The following LONP2 variants were observed in gnomAD, a reference collection of about 807,000 sequenced individuals.
LONP2 encodes the protein lon peptidase 2, peroxisomal.
In LONP2, 60 loss-of-function variants were observed where a neutral mutation model predicts 85.6. That is an observed-to-expected ratio of 0.70 (90% CI 0.57 to 0.87). The LOEUF is 0.87. LONP2 is among the 40% of genes least tolerant of loss of function. The pLI, the probability that LONP2 is intolerant of heterozygous loss-of-function variation, is 0.00. For synonymous variants in LONP2, 395 were observed against 389.7 expected, an observed-to-expected ratio of 1.01 and a Z score of -0.16; for missense variants, 860 against 1,063.5, an observed-to-expected ratio of 0.81 and a Z score of 2.66.
chr16:48,267,229 C>T (rs1013099850), intron 6 of LONP2, among the ~76,000 whole-genome samples: 1 of 152,126 alleles, frequency 6.6e-6, no homozygotes, highest in African/African-American at 2.4e-5. Context: ...TCATGTTAAG[C>T]TCCTAAACCA....
At chr16:48,325,651 C>T (rs1973353901) in intron 11 of LONP2, among the ~76,000 whole-genome samples, 1 of 152,100 alleles carries the variant, frequency 6.6e-6, no homozygotes, top group Non-Finnish European at 1.5e-5. Flanking sequence ...TTTCTTTATC[C>T]ATTCATCCGT....
downstream of LONP2, among the ~76,000 whole-genome samples, chr16:48,360,328 T>A (rs886783051): frequency 2.0e-5 from 3 of 152,168 alleles, no homozygotes; most frequent in Non-Finnish European, 4.4e-5. Flanking sequence ...GTTGTAAGAA[T>A]CAAAATGTGG....
chr16:48,256,712 A>T lies in LONP2; in HGVS notation c.571A>T (p.Ile191Phe). Residue 191 changes from isoleucine (I) to phenylalanine (F), a missense_variant, in exon 3 of 15, where the codon ATC (isoleucine) becomes TTC (phenylalanine). Ile to Phe is a conservative substitution (Grantham distance 21). This residue lies in a region of LONP2 where 743 missense variants were observed against 917.3 expected (regional missense o/e 0.81). Transcript: ENST00000285737. ...TTTACCAGACATCTTGACATCAATT[A>T]TCCGAACAAGCAACAAAGAGAAACT... ...EALPDILTSIIRTSNKEKLQI... is the reference protein window; with the variant it reads ...EALPDILTSIFRTSNKEKLQI... 1 of 1,614,042 alleles carries T rather than the reference A, an allele frequency of 6.2e-7. No homozygotes were observed. The highest frequency in any genetic ancestry group is 8.5e-7 in the Non-Finnish European group (1 of 1,179,950).
chr16:48,282,410 CAAAAAAAAAAA>C (rs773913986), intron 8 of LONP2, among the ~76,000 whole-genome samples: 1 of 83,832 alleles, frequency 1.2e-5, no homozygotes, highest in Non-Finnish European at 2.6e-5. Flanking sequence ...GACTCTGTCT[CAAAAAAAAAAA>C]AAAAAAAAGA....
chr16:48,253,070 A>G (rs1349294982), intron 2 of LONP2, among the ~76,000 whole-genome samples: 1 of 152,204 alleles, frequency 6.6e-6, no homozygotes, highest in Non-Finnish European at 1.5e-5. Context: ...AATACTACTG[A>G]TCATTGAAAT....
intron 3 of LONP2, among the ~76,000 whole-genome samples, chr16:48,257,527 G>A (rs933912214): frequency 1.3e-5 from 2 of 152,042 alleles, no homozygotes; most frequent in African/African-American, 4.8e-5. Flanking sequence ...CACTTGAAAA[G>A]TAATCCAAGT....
At chr16:48,293,425 CA>C (rs113336786) in intron 8 of LONP2, among the ~76,000 whole-genome samples, 2,222 of 133,264 alleles carry the variant, frequency 0.017, 48 homozygotes, top group African/African-American at 0.054. Context: ...GAGACTGTCT[CA>C]AAAAAAAAAA....
chr16:48,349,952 A>C (rs970539161), intron 14 of LONP2, among the ~76,000 whole-genome samples: 10 of 152,110 alleles, frequency 6.6e-5, no homozygotes, highest in African/African-American at 2.2e-4. Flanking sequence ...CAGTACCTTC[A>C]AAACTATGAG....
chr16:48,332,678 G>A (rs867878752), intron 11 of LONP2, among the ~76,000 whole-genome samples: 3 of 150,034 alleles, frequency 2.0e-5, no homozygotes, highest in African/African-American at 7.4e-5. Context: ...GGCACTACAC[G>A]CCCGCCTGGG....
At chr16:48,272,804 G>A (rs147332520) in intron 7 of LONP2, among the ~76,000 whole-genome samples, 119 of 152,246 alleles carry the variant, frequency 7.8e-4, no homozygotes, top group Non-Finnish European at 1.4e-3. Flanking sequence ...CATCTACCCC[G>A]TGAATTATTA....
At chr16:48,273,340 T>A (rs761354500) in intron 7 of LONP2, among the ~76,000 whole-genome samples, 1 of 152,180 alleles carries the variant, frequency 6.6e-6, no homozygotes, top group Non-Finnish European at 1.5e-5. Context: ...AGCAAAGATA[T>A]GTTTTTTATG....
At chr16:48,248,641 G>A (rs533984753) in intron 1 of LONP2, among the ~76,000 whole-genome samples, 3 of 152,128 alleles carry the variant, frequency 2.0e-5, no homozygotes, top group South Asian at 2.1e-4. Context: ...TTCCAACACG[G>A]GCTGAACTGA....
chr16:48,247,966 A>G (rs1349415736), intron 1 of LONP2, among the ~76,000 whole-genome samples: 1 of 152,134 alleles, frequency 6.6e-6, no homozygotes, highest in Admixed American at 6.5e-5. Context: ...AGTGGTACCT[A>G]TTGTCCATTG....
chr16:48,320,800 G>A (rs1196038386), intron 11 of LONP2, among the ~76,000 whole-genome samples: 2 of 152,126 alleles, frequency 1.3e-5, no homozygotes, highest in African/African-American at 2.4e-5. Context: ...CAGACCGGGA[G>A]GAAGCTTCAA....
At chr16:48,254,988 C>G (rs748053823) in intron 2 of LONP2, among the ~76,000 whole-genome samples, 1 of 152,018 alleles carries the variant, frequency 6.6e-6, no homozygotes, top group Non-Finnish European at 1.5e-5. Context: ...ACTTTAATTC[C>G]CTTCATTCTA....
At chr16:48,289,479 A>T (rs1249129749) in intron 8 of LONP2, among the ~76,000 whole-genome samples, 1 of 152,112 alleles carries the variant, frequency 6.6e-6, no homozygotes, top group African/African-American at 2.4e-5. Context: ...TACCTCAGTG[A>T]GCAGAGGGGT....
chr16:48,258,193 A>T (rs1336192049), intron 3 of LONP2, among the ~76,000 whole-genome samples: 1 of 152,046 alleles, frequency 6.6e-6, no homozygotes, highest in Non-Finnish European at 1.5e-5. Context: ...TAAAAATACA[A>T]AAAATTAGCC....
intron 11 of LONP2, among the ~76,000 whole-genome samples, chr16:48,331,467 A>C (rs1411104367): frequency 6.6e-6 from 1 of 152,242 alleles, no homozygotes; most frequent in Non-Finnish European, 1.5e-5. Context: ...TTGAAATATC[A>C]AGTGATGTTA....
At chr16:48,320,459 T>G (rs1973239678) in intron 11 of LONP2, among the ~76,000 whole-genome samples, 1 of 152,076 alleles carries the variant, frequency 6.6e-6, no homozygotes, top group African/African-American at 2.4e-5. Context: ...ACTGGCTCAT[T>G]GGTACTAAGC....
Sources: allele counts gnomAD v4.1 joint callset (sites outside exome capture counted in the v4.1 genomes callset), GRCh38; gene constraint gnomAD v4.1.1; regional missense constraint gnomAD v4.1.1; transcripts MANE v1.5; gene names NCBI Gene and HGNC (gene_info 2026-07-23, HGNC 2026-07-21).